The following RABGAP1L variants were observed in gnomAD, a reference collection of about 807,000 sequenced individuals.
The protein encoded by RABGAP1L is RAB GTPase activating protein 1 like.
RABGAP1L carries 63 observed loss-of-function variants against 137.7 expected under a neutral mutation model. The observed-to-expected ratio is 0.46, with a 90% confidence interval of 0.37 to 0.56. RABGAP1L has a LOEUF of 0.56. RABGAP1L is among the 20% of genes least tolerant of loss of function. RABGAP1L has a pLI of 0.00. For synonymous variants in RABGAP1L, 431 were observed against 433.7 expected (o/e 0.99, Z 0.08); for missense variants, 1,095 against 1,244.0 (o/e 0.88, Z 1.80).
At chr1:174,813,244 A>G (rs1427147045) in intron 19 of RABGAP1L, among the ~76,000 whole-genome samples, 1 of 152,182 alleles carries the variant, frequency 6.6e-6, no homozygotes, top group Non-Finnish European at 1.5e-5. Flanking sequence ...GGGTGTTAAC[A>G]GTGGAGATAG....
At position 174,448,281 on chromosome 1, in the gene RABGAP1L, G is replaced by A; in HGVS notation, c.1710+54136G>A. ...TTGCTGACATTTCTGATCATTGCTG[G>A]GAATCTAACAGTTATCTTTGTCTTT... On this transcript the variant is annotated intron_variant, in intron 13 of 25. Coordinates refer to ENST00000681986, the MANE Select transcript of RABGAP1L (RefSeq NM_001366446.1). The surrounding 1 kb of genome is among the most constrained non-coding windows in gnomAD (Gnocchi z 4.2). 6.2e-7 allele frequency: 1 copy of A among 1,613,528 alleles called. No homozygotes were observed. Among genetic ancestry groups the A allele is most frequent in the Non-Finnish European group, 8.5e-7 (1 of 1,179,552 alleles).
At chr1:174,277,966 G>T (rs904081286) in intron 9 of RABGAP1L, among the ~76,000 whole-genome samples, 7 of 151,604 alleles carry the variant, frequency 4.6e-5, no homozygotes, top group Admixed American at 4.6e-4. Context: ...ACTATTGAGG[G>T]TTTCTTCTAG....
chr1:174,496,416 T>C (rs1201199005), intron 13 of RABGAP1L, among the ~76,000 whole-genome samples: 1 of 152,118 alleles, frequency 6.6e-6, no homozygotes, highest in Admixed American at 6.6e-5. Flanking sequence ...AACAGCAAGA[T>C]TGTCTGAGAA....
chr1:174,363,624 T>C (rs1180288962), intron 11 of RABGAP1L, among the ~76,000 whole-genome samples: 1 of 152,184 alleles, frequency 6.6e-6, no homozygotes, highest in African/African-American at 2.4e-5. Flanking sequence ...TGTTTTGTTC[T>C]AGATCTTAGA....
Position 174,991,815 on chromosome 1 carries a change from ATG to A in RABGAP1L, c.*1816_*1817del. 6.7e-6 allele frequency: 1 copy of A among 149,156 alleles called. No individual in the cohort carries two copies. Among genetic ancestry groups the A allele is most frequent in the Non-Finnish European group, 1.5e-5 (1 of 67,674 alleles). The allele number at this position is 149,156 out of a possible 1,614,324, so 9.2% of individuals were successfully genotyped here. A position where few individuals can be genotyped will look rare whatever the true frequency, so the allele number is the denominator to read the frequency against. Reference sequence around the variant, plus strand: ...TTTTGTAAAATGTAATAGCTAGAAAATGTTATCTTGGCGCTTGTTTTTGTAAA... The same window carrying A: ...TTTTGTAAAATGTAATAGCTAGAAAATTATCTTGGCGCTTGTTTTTGTAAA... On this transcript the variant is annotated 3_prime_UTR_variant, in exon 26 of 26. Transcript: ENST00000681986.
chr1:174,811,554 G>T (rs1453297317), intron 18 of RABGAP1L, among the ~76,000 whole-genome samples: 1 of 152,060 alleles, frequency 6.6e-6, no homozygotes, highest in Non-Finnish European at 1.5e-5. Context: ...GGTAAGCTTT[G>T]CCAGGAACCA....
rs1553278354 is a variant in RABGAP1L, at chr1:174,349,046, G to GGGGA, written c.1466-21930_1466-21929insAGGG. ...CCCGGACAGGGCGGCTGGCCGGGCG[G>GGGGA]GGGGGGGGCTGACCCCCCCCACCTC... On this transcript the variant is annotated intron_variant, in intron 11 of 25. Transcript: ENST00000681986. Among the ~76,000 whole-genome samples, 8 of 87,540 alleles carry GGGGA rather than the reference G, an allele frequency of 9.1e-5. No individual in the cohort carries two copies. The East Asian group carries it at 1.8e-3, about 20-fold the overall frequency. 57.4% of individuals were successfully genotyped at this position (87,540 alleles called of 152,430 possible).
In RABGAP1L at chr1:174,881,348, T is replaced by A. The variant is rs181521091; in HGVS notation, c.2340+69388T>A. ...ATATCAAACTTTTAAATAATGCAGA[T>A]CTTGGGGTATTATAAAACTTTCTGA... On this transcript the variant is annotated intron_variant, in intron 19 of 25. Coordinates refer to ENST00000681986, the MANE Select transcript of RABGAP1L (RefSeq NM_001366446.1). Among the ~76,000 whole-genome samples, 96 of 152,212 alleles carry A rather than the reference T, an allele frequency of 6.3e-4. 1 individual carries two copies. Among genetic ancestry groups the A allele is most frequent in the Admixed American group, 1.1e-3 (17 of 15,282 alleles).
At chr1:174,706,531 C>T (rs1021395564) in intron 17 of RABGAP1L, among the ~76,000 whole-genome samples, 2 of 151,986 alleles carry the variant, frequency 1.3e-5, no homozygotes, top group African/African-American at 4.8e-5. Flanking sequence ...TGCTATTAAC[C>T]TATCGATAAT....
At chr1:174,494,882 G>A (rs376115707) in intron 13 of RABGAP1L, among the ~76,000 whole-genome samples, 18 of 152,216 alleles carry the variant, frequency 1.2e-4, no homozygotes, top group African/African-American at 4.3e-4. Flanking sequence ...GTCAAAGTTG[G>A]GGAGACTTGA....
chr1:174,582,082 A>G (rs2148091367), intron 13 of RABGAP1L, among the ~76,000 whole-genome samples: 1 of 152,232 alleles, frequency 6.6e-6, no homozygotes, highest in South Asian at 2.1e-4. Context: ...TTTAACATGT[A>G]GGTCCCAGAC....
intron 11 of RABGAP1L, among the ~76,000 whole-genome samples, chr1:174,355,289 A>G (rs1214467524): frequency 6.6e-6 from 1 of 152,062 alleles, no homozygotes; most frequent in Non-Finnish European, 1.5e-5. Flanking sequence ...AGCCATAAAA[A>G]ATGATGAGTT....
chr1:174,167,991 G>A (rs1198037849), intron 1 of RABGAP1L, among the ~76,000 whole-genome samples: 1 of 152,064 alleles, frequency 6.6e-6, no homozygotes, highest in African/African-American at 2.4e-5. Context: ...ATGGCCGGGG[G>A]TGGTGGCCCA....
chr1:174,266,116 C>T (rs547727545), intron 7 of RABGAP1L, among the ~76,000 whole-genome samples: 1 of 151,964 alleles, frequency 6.6e-6, no homozygotes, highest in Admixed American at 6.6e-5. Flanking sequence ...TATAGAGTAC[C>T]CTCATCTGGG....
chr1:174,180,102 A>C (rs1041253057), intron 1 of RABGAP1L, among the ~76,000 whole-genome samples: 1 of 152,226 alleles, frequency 6.6e-6, no homozygotes, highest in Non-Finnish European at 1.5e-5. Context: ...GGATACCTTT[A>C]TATCAGTTGC....
At chr1:174,683,492 G>T in intron 14 of RABGAP1L, 30 bp from the exon 15 acceptor site, 1 of 1,525,540 alleles carries the variant, frequency 6.6e-7, no homozygotes, top group Non-Finnish European at 9.1e-7. Context: ...GACTATTTAC[G>T]ATATTTCTTT....
intron 21 of RABGAP1L, among the ~76,000 whole-genome samples, chr1:174,974,878 T>TGGCCC (rs1288705459): frequency 6.6e-6 from 1 of 152,178 alleles, no homozygotes; most frequent in Non-Finnish European, 1.5e-5. Context: ...TGGGCTGGCC[T>TGGCCC]GGCCCATCTG....
chr1:174,675,569 C>T (rs965424884), intron 14 of RABGAP1L, among the ~76,000 whole-genome samples: 26 of 151,732 alleles, frequency 1.7e-4, no homozygotes, highest in African/African-American at 3.9e-4. Flanking sequence ...CTTGGCGATG[C>T]GGGCTCTTTT....
At chr1:174,626,593 C>G (rs1247992217) in intron 13 of RABGAP1L, among the ~76,000 whole-genome samples, 1 of 152,126 alleles carries the variant, frequency 6.6e-6, no homozygotes, top group Non-Finnish European at 1.5e-5. Flanking sequence ...GACTGGGAAG[C>G]AGTTTGTTCA....
Sources: gnomAD v4.1 joint callset for allele counts (sites outside exome capture counted in the v4.1 genomes callset) on GRCh38, gnomAD v4.1.1 for gene constraint, Gnocchi (gnomAD v3.1) non-coding constraint, MANE v1.5 for transcripts, NCBI Gene and HGNC (gene_info 2026-07-23, HGNC 2026-07-21) for gene names.